Variants in EYA3 observed in about 807,000 individuals in gnomAD.
EYA3 encodes protein phosphatase EYA3.
EYA3 carries 39 observed loss-of-function variants against 80.0 expected under a neutral mutation model. The observed-to-expected ratio is 0.49, with a 90% confidence interval of 0.38 to 0.64. The LOEUF (loss-of-function observed/expected upper bound fraction) is 0.64, where lower values mean the gene tolerates loss of function less well. Ranked by LOEUF, EYA3 falls within the 30% of genes least tolerant of loss-of-function variation. The pLI, the probability that EYA3 is intolerant of heterozygous loss-of-function variation, is 0.00. For synonymous variants in EYA3, 206 were observed against 232.8 expected (o/e 0.88, Z 1.05); for missense variants, 523 against 676.1 (o/e 0.77, Z 2.51).
In EYA3 at chr1:28,009,056, G is replaced by A. The variant is rs1289858605; in HGVS notation, c.909+1891C>T. Among the ~76,000 whole-genome samples the A allele has an allele frequency of 6.6e-6, 1 of 152,156 alleles. No homozygotes were observed. Among genetic ancestry groups the A allele is most frequent in the Non-Finnish European group, 1.5e-5 (1 of 68,028 alleles). On this transcript the variant is annotated intron_variant, in intron 10 of 17. Coordinates refer to ENST00000373871, the MANE Select transcript of EYA3 (RefSeq NM_001990.4). The surrounding 1 kb of genome is among the most constrained non-coding windows in gnomAD (Gnocchi z 4.8). The stretch of plus-strand genomic sequence containing the variant: ...GTATCGCTGGTAAGAGTATAAAACC[G>A]TGCAGCCACAATGAAAAATAGTTTG...
chr1:27,977,233 A>G (rs1276103332), intron 17 of EYA3: 3 of 1,531,274 alleles, frequency 2.0e-6, no homozygotes, highest in Middle Eastern at 1.7e-4. Context: ...ATTGCTACAT[A>G]AAGTGACAAA....
At chr1:28,054,026 T>A (rs1403966955) in intron 2 of EYA3, among the ~76,000 whole-genome samples, 1 of 152,212 alleles carries the variant, frequency 6.6e-6, no homozygotes, top group African/African-American at 2.4e-5. Flanking sequence ...ATAAAAAGGA[T>A]GTTTATGTCA....
intron 7 of EYA3, among the ~76,000 whole-genome samples, chr1:28,026,518 T>A (rs1309518473): frequency 6.6e-6 from 1 of 151,978 alleles, no homozygotes; most frequent in African/African-American, 2.4e-5. Context: ...CTGGAGAGGC[T>A]GAGGTGAGAG....
chr1:27,985,253 C>CAA (rs112572613), intron 16 of EYA3, among the ~76,000 whole-genome samples: 1 of 126,108 alleles, frequency 7.9e-6, no homozygotes, highest in African/African-American at 2.6e-5. Flanking sequence ...AATTAAAAAA[C>CAA]AAAAAAAACA....
intron 5 of EYA3, among the ~76,000 whole-genome samples, chr1:28,035,894 A>T (rs1393270918): frequency 1.3e-5 from 2 of 152,124 alleles, no homozygotes; most frequent in African/African-American, 2.4e-5. Context: ...AACTCATTGC[A>T]GCCTCTGCCT....
chr1:28,084,065 G>A (rs1645526837), intron 1 of EYA3, among the ~76,000 whole-genome samples: 1 of 152,186 alleles, frequency 6.6e-6, no homozygotes, highest in South Asian at 2.1e-4. Flanking sequence ...ACGATATTAA[G>A]CACTGACTGC....
chr1:27,989,466 A>G (rs976156786), intron 15 of EYA3, among the ~76,000 whole-genome samples: 1 of 152,220 alleles, frequency 6.6e-6, no homozygotes, highest in Non-Finnish European at 1.5e-5. Context: ...TCGTGAGCAA[A>G]AAGTAAGGAG....
chr1:28,007,581 C>A (rs1641382796), intron 10 of EYA3, among the ~76,000 whole-genome samples: 1 of 152,000 alleles, frequency 6.6e-6, no homozygotes, highest in Non-Finnish European at 1.5e-5. Flanking sequence ...GATCTGCCCA[C>A]CTCAGCCTCC....
intron 10 of EYA3, among the ~76,000 whole-genome samples, chr1:28,007,061 C>T (rs909138708): frequency 4.6e-5 from 7 of 151,062 alleles, no homozygotes; most frequent in Admixed American, 1.3e-4. Context: ...CTGCCTCAGC[C>T]TCCCAAGTAG....
chr1:27,977,339 A>G (rs1239040303), intron 17 of EYA3: 1 of 1,550,462 alleles, frequency 6.4e-7, no homozygotes, highest in African/African-American at 1.4e-5. Flanking sequence ...GTATCAGGGC[A>G]GTTGGTTCTA....
At chr1:28,021,550 T>G (rs1170296523) in intron 7 of EYA3, among the ~76,000 whole-genome samples, 1 of 152,066 alleles carries the variant, frequency 6.6e-6, no homozygotes, top group Non-Finnish European at 1.5e-5. Context: ...AATAAATATT[T>G]GTGGGATTCA....
chr1:28,017,238 A>T lies in EYA3; in HGVS notation c.501T>A (p.Ala167=), dbSNP rs539592566. ...SPAHYSYPIQ[A]SSTNASLIST... is the part of the protein sequence containing the mutation. Reference sequence around the variant, plus strand: ...ATATCAGGCTGGCATTTGTGCTTGAAGCTAGAGGATTGATGGGGTTAAAAG... The same window carrying T: ...ATATCAGGCTGGCATTTGTGCTTGATGCTAGAGGATTGATGGGGTTAAAAG... The change falls in exon 8 of 18, where the codon GCT becomes GCA. Residue 167 remains alanine, a splice_region_variant and synonymous_variant. Transcript: ENST00000373871. 1 of 1,612,264 alleles carries T rather than the reference A, an allele frequency of 6.2e-7. No homozygotes were observed. Among genetic ancestry groups the T allele is most frequent in the East Asian group, 2.2e-5 (1 of 44,848 alleles).
rs1398269345 is a variant in EYA3 at position 28,029,815 on chromosome 1, GAACTCCTGACCTCA to G, written c.362-1903_362-1890del. On this transcript the variant is annotated intron_variant, in intron 6 of 17. Transcript: ENST00000373871. ...TCACTATGTTGGTCAGGCTGGTCTC[GAACTCCTGACCTCA>G]GGAGTTCCACCCACCTCAGCCTCCC... 2.6e-3 allele frequency among the ~76,000 whole-genome samples: 398 copies of G among 151,834 alleles called. 1 individual carries two copies. The highest frequency in any genetic ancestry group is 8.8e-3 in the African/African-American group (365 of 41,386).
intron 12 of EYA3, 37 bp downstream of exon 12, chr1:27,999,923 G>A (rs377662580): frequency 4.4e-5 from 61 of 1,383,244 alleles, no homozygotes; most frequent in Non-Finnish European, 5.9e-5. Context: ...TGAATGAAGT[G>A]TCTCAGTGAA....
rs183619603 is a variant in EYA3 at position 27,975,244 on chromosome 1, T to C, written c.1642-698A>G. ...TCACCCAGGCTGGAGTGTAGTGGTA[T>C]GAACATGGCTCACTGCAGCCTTGAC... On this transcript the variant is annotated intron_variant, in intron 17 of 17. Coordinates refer to ENST00000373871, the MANE Select transcript of EYA3 (RefSeq NM_001990.4). Among the ~76,000 whole-genome samples, 972 of 151,714 alleles carry C rather than the reference T, an allele frequency of 6.4e-3. 9 individuals are homozygous for C. Among genetic ancestry groups the C allele is most frequent in the African/African-American group, 0.022 (899 of 41,336 alleles).
intron 4 of EYA3, among the ~76,000 whole-genome samples, chr1:28,040,248 C>T (rs574603886): frequency 6.6e-6 from 1 of 152,260 alleles, no homozygotes; most frequent in Admixed American, 6.5e-5. Flanking sequence ...ACAGGACATT[C>T]TGATGGATTT....
chr1:28,033,670 T>C (rs1257257203), intron 6 of EYA3, among the ~76,000 whole-genome samples: 2 of 145,914 alleles, frequency 1.4e-5, no homozygotes, highest in Non-Finnish European at 3.0e-5. Flanking sequence ...ATTATTATTA[T>C]TTTTGAGACA....
intron 2 of EYA3, among the ~76,000 whole-genome samples, chr1:28,053,448 TTAAATA>T (rs1253790873): frequency 4.6e-5 from 7 of 152,188 alleles, no homozygotes; most frequent in Non-Finnish European, 8.8e-5. Flanking sequence ...TAATCACACT[TTAAATA>T]TAACACAGCA....
At chr1:28,020,542 AG>A (rs1481164620) in intron 7 of EYA3, among the ~76,000 whole-genome samples, 2 of 152,106 alleles carry the variant, frequency 1.3e-5, no homozygotes, top group Non-Finnish European at 1.5e-5. Flanking sequence ...TAATTTTTTT[AG>A]GCTCTTATAA....
Sources: gnomAD v4.1 joint callset for allele counts (sites outside exome capture counted in the v4.1 genomes callset) on GRCh38, gnomAD v4.1.1 for gene constraint, Gnocchi (gnomAD v3.1) non-coding constraint, MANE v1.5 for transcripts, NCBI Gene and HGNC (gene_info 2026-07-23, HGNC 2026-07-21) for gene names.